The following TANGO6 variants were observed in gnomAD, a reference collection of about 807,000 sequenced individuals.
TANGO6 encodes transport and Golgi organization protein 6 homolog.
TANGO6 carries 90 observed loss-of-function variants against 114.2 expected under a neutral mutation model. The observed-to-expected ratio is 0.79, with a 90% CI of 0.66 to 0.94. The LOEUF (loss-of-function observed/expected upper bound fraction) is 0.94. Among genes scored for constraint, TANGO6 ranks in the 40% least tolerant of loss-of-function variants. TANGO6 has a pLI of 0.00. For synonymous variants in TANGO6, 477 were observed against 509.8 expected (o/e 0.94, Z 0.87); for missense variants, 1,274 against 1,315.3 (o/e 0.97, Z 0.49).
intron 14 of TANGO6, among the ~76,000 whole-genome samples, chr16:68,956,907 C>T (rs1255680061): frequency 1.3e-5 from 2 of 151,992 alleles, no homozygotes; most frequent in South Asian, 2.1e-4. Context: ...GTTATGATCA[C>T]GGAATGGACC....
chr16:68,849,072 C>G (rs1346205672), intron 1 of TANGO6, among the ~76,000 whole-genome samples: 1 of 152,168 alleles, frequency 6.6e-6, no homozygotes, highest in Non-Finnish European at 1.5e-5. Flanking sequence ...CAGTGGCTAA[C>G]GCCTATAATC....
chr16:69,046,804 A>C (rs1959865492), intron 17 of TANGO6, among the ~76,000 whole-genome samples: 1 of 152,196 alleles, frequency 6.6e-6, no homozygotes, highest in Non-Finnish European at 1.5e-5. Flanking sequence ...CCAAGAAAAG[A>C]ATAAGTGAAT....
intron 15 of TANGO6, among the ~76,000 whole-genome samples, chr16:68,985,142 G>C (rs1181188931): frequency 6.6e-6 from 1 of 151,794 alleles, no homozygotes; most frequent in Non-Finnish European, 1.5e-5. Context: ...CAAAGTGTTA[G>C]GATTACAGGC....
intron 1 of TANGO6, among the ~76,000 whole-genome samples, chr16:68,850,548 T>C (rs1246884713): frequency 6.6e-6 from 1 of 152,218 alleles, no homozygotes; most frequent in Non-Finnish European, 1.5e-5. Flanking sequence ...ATATACAAAA[T>C]TCTTTATTTC....
intron 17 of TANGO6, among the ~76,000 whole-genome samples, chr16:69,042,392 C>T (rs1208205068): frequency 6.6e-6 from 1 of 151,982 alleles, no homozygotes; most frequent in Non-Finnish European, 1.5e-5. Context: ...ACTAAAAATA[C>T]AAAAATTAGC....
At chr16:69,029,273 G>A (rs1164160118) in intron 16 of TANGO6, among the ~76,000 whole-genome samples, 1 of 152,182 alleles carries the variant, frequency 6.6e-6, no homozygotes, top group African/African-American at 2.4e-5. Context: ...ATGAATGAGA[G>A]CCCAGCTACA....
chr16:69,026,918 A>T (rs1276609619), intron 16 of TANGO6, among the ~76,000 whole-genome samples: 1 of 152,084 alleles, frequency 6.6e-6, no homozygotes, highest in Non-Finnish European at 1.5e-5. Context: ...GCTGTAGTGC[A>T]GTGGTGCAAT....
At chr16:68,930,463 G>T (rs1963225254) in intron 14 of TANGO6, among the ~76,000 whole-genome samples, 168 bp downstream of exon 14, 1 of 151,956 alleles carries the variant, frequency 6.6e-6, no homozygotes, top group Non-Finnish European at 1.5e-5. Flanking sequence ...TATTCCTGAA[G>T]GGTTTCCAAA....
chr16:68,971,943 T>C (rs1041646698), intron 14 of TANGO6, among the ~76,000 whole-genome samples: 1 of 152,100 alleles, frequency 6.6e-6, no homozygotes, highest in Non-Finnish European at 1.5e-5. Flanking sequence ...GATGCAGACA[T>C]TTTTTTCTAT....
chr16:68,984,724 G>A (rs1433591427), intron 15 of TANGO6, among the ~76,000 whole-genome samples: 2 of 152,072 alleles, frequency 1.3e-5, no homozygotes, highest in East Asian at 3.9e-4. Context: ...GTCTCACTAT[G>A]TTGCCCAGGC....
At chr16:68,994,116 G>A (rs988704451) in intron 15 of TANGO6, among the ~76,000 whole-genome samples, 2 of 152,118 alleles carry the variant, frequency 1.3e-5, no homozygotes, top group African/African-American at 2.4e-5. Flanking sequence ...TAGTTAATAC[G>A]TAACTATAGA....
intron 16 of TANGO6, among the ~76,000 whole-genome samples, chr16:69,029,926 G>A (rs1049935764): frequency 6.6e-6 from 1 of 151,608 alleles, no homozygotes; most frequent in Admixed American, 6.6e-5. Flanking sequence ...TGGCCAACAT[G>A]GTTAAACCCC....
intron 17 of TANGO6, among the ~76,000 whole-genome samples, chr16:69,067,663 C>G (rs1347642193): frequency 6.6e-6 from 1 of 151,922 alleles, no homozygotes; most frequent in Non-Finnish European, 1.5e-5. Context: ...ACTGGCCGGG[C>G]ACAGTGGCTC....
At chr16:69,051,747 G>A (rs1029543602) in intron 17 of TANGO6, among the ~76,000 whole-genome samples, 9 of 152,146 alleles carry the variant, frequency 5.9e-5, no homozygotes, top group Admixed American at 5.2e-4. Flanking sequence ...TCAGGAGGCT[G>A]AGGCTGGAGA....
At chr16:69,001,945 T>C (rs1187829287) in intron 15 of TANGO6, among the ~76,000 whole-genome samples, 1 of 152,182 alleles carries the variant, frequency 6.6e-6, no homozygotes, top group African/African-American at 2.4e-5. Flanking sequence ...ACCTAGCTGT[T>C]ATACACCAAG....
chr16:68,881,674 A>G (rs1597002995), intron 7 of TANGO6, among the ~76,000 whole-genome samples: 2 of 152,354 alleles, frequency 1.3e-5, no homozygotes, highest in South Asian at 2.1e-4. Context: ...CTACATAAAT[A>G]TATAACAAGA....
intron 15 of TANGO6, among the ~76,000 whole-genome samples, chr16:68,978,593 T>C (rs1384249094): frequency 6.6e-6 from 1 of 152,190 alleles, no homozygotes; most frequent in East Asian, 1.9e-4. Flanking sequence ...ATAGCCAATA[T>C]TCTTTGTTTT....
intron 14 of TANGO6, chr16:68,937,343 T>G (rs1198773480): frequency 6.6e-6 from 1 of 152,204 alleles, no homozygotes; most frequent in Admixed American, 6.6e-5. Flanking sequence ...CTCAGTAAAT[T>G]CTCTAAGTAG....
chr16:68,891,618 A>G (rs1461048653), intron 7 of TANGO6, among the ~76,000 whole-genome samples: 3 of 152,082 alleles, frequency 2.0e-5, no homozygotes, highest in Non-Finnish European at 4.4e-5. Context: ...ATTTCTAGCC[A>G]TTCCTTCCAG....
Sources: allele counts gnomAD v4.1 joint callset (sites outside exome capture counted in the v4.1 genomes callset), GRCh38; gene constraint gnomAD v4.1.1; transcripts MANE v1.5; gene names NCBI Gene and HGNC (gene_info 2026-07-23, HGNC 2026-07-21).